The following DOP1A variants were observed in gnomAD, a reference collection of about 807,000 sequenced individuals.
DOP1A encodes the protein DOP1 leucine zipper like protein A.
DOP1A carries 90 observed loss-of-function variants against 267.6 expected under a neutral mutation model. That is an observed-to-expected ratio of 0.34 (90% CI 0.28 to 0.40). The LOEUF (loss-of-function observed/expected upper bound fraction) is 0.40, where lower values mean the gene tolerates loss of function less well. DOP1A is among the 10% of genes least tolerant of loss of function. The pLI, the probability that DOP1A is intolerant of heterozygous loss-of-function variation, is 1.00. For synonymous variants in DOP1A, 932 were observed against 999.1 expected, an observed-to-expected ratio of 0.93 and a Z score of 1.27; for missense variants, 2,437 against 2,900.4, an observed-to-expected ratio of 0.84 and a Z score of 3.67.
chr6:83,132,409 T>A, intron 18 of DOP1A, 81 bp downstream of exon 18: 1 of 1,408,550 alleles, frequency 7.1e-7, no homozygotes, highest in Admixed American at 2.1e-5. Context: ...AAGAAAACTT[T>A]AGGGAAATTA....
rs1779135377 is a variant in DOP1A at position 83,138,246 on chromosome 6, G to A, written c.4204G>A (p.Ala1402Thr). The A allele has an allele frequency of 6.2e-7, 1 of 1,613,086 alleles. No individual in the cohort carries two copies. The highest frequency in any genetic ancestry group is 1.7e-5 in the Admixed American group (1 of 59,956). The change falls in exon 21 of 39, where the codon GCC (alanine) becomes ACC (threonine). Residue 1402 changes from alanine to threonine, a missense_variant. By Grantham distance (58) the Ala-to-Thr change is moderately conservative. Coordinates refer to ENST00000349129, the MANE Select transcript of DOP1A (RefSeq NM_015018.4). ...AACTAACCCTATAGCTTTTGTAAAT[G>A]CCATTTCAACTACTAGTGTAAATAA... Reference protein sequence around the residue: ...LKTNPIAFVNAISTTSVNNAY... With the variant: ...LKTNPIAFVNTISTTSVNNAY...
chr6:83,122,930 G>C lies in DOP1A; in HGVS notation c.1288G>C (p.Glu430Gln). The C allele has an allele frequency of 6.3e-7, 1 of 1,576,088 alleles. No homozygotes were observed. Among genetic ancestry groups the C allele is most frequent in the Non-Finnish European group, 8.6e-7 (1 of 1,165,912 alleles). The change falls in exon 12 of 39, where the codon GAA (glutamate) becomes CAA (glutamine). Residue 430 changes from glutamate (E) to glutamine (Q), a missense_variant. Coordinates refer to ENST00000349129, the MANE Select transcript of DOP1A (RefSeq NM_015018.4). ...KTANLLFNSF[E>Q]PYYMWDYVAR... ...TGCTAACCTTCTCTTTAATTCCTTC[G>C]AACCTTATTATATGTGGGATTATGT...
intron 1 of DOP1A, among the ~76,000 whole-genome samples, chr6:83,077,211 G>A (rs1468725488): frequency 2.0e-5 from 3 of 152,166 alleles, no homozygotes; most frequent in Non-Finnish European, 4.4e-5. Context: ...GGTTAAGATG[G>A]TAAATTTTGG....
intron 23 of DOP1A, among the ~76,000 whole-genome samples, chr6:83,141,466 C>T (rs1779645381): frequency 1.3e-5 from 2 of 152,090 alleles, no homozygotes; most frequent in South Asian, 4.1e-4. Context: ...TCCAAGGGAA[C>T]ACATAGGGAA....
chr6:83,140,325 G>T lies in DOP1A; in HGVS notation c.5337G>T (p.Leu1779=), dbSNP rs745345332. The part of the protein sequence containing the change: ...MSSVTLLWSI[L]HQADSSEKMT... ...CTGTGACACTGCTTTGGAGCATACTGCATCAAGCTGATTCTTCAGAAAAGA... is the reference window on the plus strand; with the variant it reads ...CTGTGACACTGCTTTGGAGCATACTTCATCAAGCTGATTCTTCAGAAAAGA... The change falls in exon 23 of 39, where the codon CTG becomes CTT. Residue 1779 remains leucine, a synonymous_variant. Coordinates refer to ENST00000349129, the MANE Select transcript of DOP1A (RefSeq NM_015018.4). 4.5e-5 allele frequency: 72 copies of T among 1,613,252 alleles called. No individual in the cohort carries two copies. Among genetic ancestry groups the T allele is most frequent in the Non-Finnish European group, 5.8e-5 (68 of 1,179,860 alleles).
intron 1 of DOP1A, among the ~76,000 whole-genome samples, chr6:83,069,984 AT>A (rs1785328517): frequency 6.6e-6 from 1 of 152,216 alleles, no homozygotes; most frequent in Non-Finnish European, 1.5e-5. Flanking sequence ...TAAAACACAA[AT>A]TTTGAGACAG....
At position 83,158,514 on chromosome 6, in the gene DOP1A, G is replaced by C. The variant is rs1783386739; in HGVS notation, c.6742-53G>C. The C allele has an allele frequency of 3.8e-6, 5 of 1,322,700 alleles. No homozygotes were observed. The South Asian group carries it at 5.2e-5, about 14-fold the overall frequency. 81.9% of individuals were successfully genotyped at this position (1,322,700 alleles called of 1,614,324 possible). A position where few individuals can be genotyped will look rare whatever the true frequency, so the allele number is the denominator to read the frequency against. ...TGAAAATACAACTTAAAGATAACTT[G>C]AAAGGATTAAATATCCAGTTTAAAT... On this transcript the variant is annotated intron_variant, in intron 35 of 38. Coordinates refer to ENST00000349129, the MANE Select transcript of DOP1A (RefSeq NM_015018.4).
intron 9 of DOP1A, 128 bp downstream of exon 9, chr6:83,119,985 C>T (rs995718239): frequency 6.3e-6 from 4 of 631,072 alleles, no homozygotes; most frequent in Non-Finnish European, 1.0e-5. Context: ...ACAAACTTCC[C>T]AAGAATTTTT....
chr6:83,151,937 G>C lies in DOP1A; in HGVS notation c.5959G>C (p.Glu1987Gln). The C allele has an allele frequency of 6.2e-7, 1 of 1,613,788 alleles. No individual in the cohort carries two copies. Among genetic ancestry groups the C allele is most frequent in the Admixed American group, 1.7e-5 (1 of 60,000 alleles). Residue 1987 changes from glutamate (E) to glutamine (Q), a missense_variant, in exon 29 of 39, where the codon GAA (glutamate) becomes CAA (glutamine). This residue lies in a region of DOP1A where 216 missense variants were observed against 283.3 expected (regional missense o/e 0.76). Coordinates refer to ENST00000349129, the MANE Select transcript of DOP1A (RefSeq NM_015018.4). The part of the protein sequence containing the change: ...AIGAIAGSSL[E>Q]QTTWLRRNLE... ...TGGTGCAATTGCTGGTTCTTCTCTG[G>C]AACAGACAACATGGCTGCGACGAAA...
chr6:83,137,523 G>C lies in DOP1A; in HGVS notation c.3481G>C (p.Val1161Leu). The change falls in exon 21 of 39, where the codon GTA (valine) becomes CTA (leucine). Residue 1161 changes from valine to leucine, a missense_variant. Transcript: ENST00000349129. ...QVVFDLICKV[V>L]SGLEVESASV... Reference sequence around the variant, plus strand: ...AGTATTTGACCTGATATGTAAAGTTGTAAGTGGCCTCGAAGTGGAATCTGC... The same window carrying C: ...AGTATTTGACCTGATATGTAAAGTTCTAAGTGGCCTCGAAGTGGAATCTGC... The C allele has an allele frequency of 6.2e-7, 1 of 1,613,790 alleles. No homozygotes were observed. The highest frequency in any genetic ancestry group is 8.5e-7 in the Non-Finnish European group (1 of 1,179,844).
intron 1 of DOP1A, among the ~76,000 whole-genome samples, chr6:83,093,898 AGT>A (rs1370107217): frequency 1.3e-5 from 2 of 152,234 alleles, no homozygotes; most frequent in African/African-American, 4.8e-5. Flanking sequence ...TGGGTGACAG[AGT>A]GAGACTCCGT....
At position 83,128,772 on chromosome 6, in the gene DOP1A, A is replaced by C. The variant is rs1777582079; in HGVS notation, c.1720-115A>C. On this transcript the variant is annotated intron_variant, in intron 15 of 38. Transcript: ENST00000349129. ...GTGTGGGGCTGCTTTAAGAGTCAAC[A>C]GAATGGGCAGATTAAGTTGTGAATA... 3.2e-6 allele frequency: 4 copies of C among 1,239,030 alleles called. No homozygotes were observed. In the Admixed American group the frequency reaches 9.2e-5, roughly 28 times the overall value. 76.8% of individuals were successfully genotyped at this position (1,239,030 alleles called of 1,614,324 possible). A position where few individuals can be genotyped will look rare whatever the true frequency, so the allele number is the denominator to read the frequency against.
chr6:83,112,298 T>C (rs1047271307), intron 6 of DOP1A, among the ~76,000 whole-genome samples: 8 of 152,074 alleles, frequency 5.3e-5, no homozygotes, highest in South Asian at 2.1e-4. Context: ...ATGATCAACA[T>C]TGTAATAAAG....
chr6:83,131,418 G>T (rs1454026599), intron 17 of DOP1A, among the ~76,000 whole-genome samples: 1 of 152,022 alleles, frequency 6.6e-6, no homozygotes, highest in Non-Finnish European at 1.5e-5. Flanking sequence ...CAGATCAAGT[G>T]CTATGTTAAC....
In DOP1A at chr6:83,122,040, C is replaced by A. The variant is rs748110996; in HGVS notation, c.1210C>A (p.Gln404Lys). Residue 404 changes from glutamine (Q) to lysine (K), a missense_variant, in exon 11 of 39, where the codon CAG (glutamine) becomes AAG (lysine). Around this residue, in one of 9 missense-constraint regions of DOP1A, gnomAD observed 498 missense variants for 513.5 expected, o/e 0.97. Coordinates refer to ENST00000349129, the MANE Select transcript of DOP1A (RefSeq NM_015018.4). ...ACCACCCTTCAGCAAGGATCATGCT[C>A]AGTTAAGCAGGTGGATTATCAAAAA... is the stretch of plus-strand genomic sequence containing the variant. ...TEPPFSKDHA[Q>K]LSSKLRENKK... 2.6e-5 allele frequency: 42 copies of A among 1,609,842 alleles called. No homozygotes were observed. The highest frequency in any genetic ancestry group is 3.4e-5 in the Non-Finnish European group (40 of 1,177,564).
intron 20 of DOP1A, among the ~76,000 whole-genome samples, 184 bp downstream of exon 20, chr6:83,136,062 C>T (rs1256020050): frequency 1.3e-5 from 2 of 152,104 alleles, no homozygotes; most frequent in Non-Finnish European, 2.9e-5. Context: ...CAATGACCAT[C>T]TTAGAGGATG....
downstream of DOP1A, chr6:83,170,685 A>G (rs1786899278): frequency 2.0e-6 from 1 of 503,072 alleles, no homozygotes; most frequent in Admixed American, 3.3e-5. Flanking sequence ...GGCAAAAAAT[A>G]TTTCCACAAA....
chr6:83,100,679 A>T (rs764940446), intron 3 of DOP1A, 26 bp from the exon 4 acceptor site: 1 of 1,412,552 alleles, frequency 7.1e-7, no homozygotes, highest in Non-Finnish European at 9.3e-7. Context: ...TGTTTTTCTC[A>T]ACTACATTAA....
At chr6:83,124,567 A>C (rs1001142219) in intron 12 of DOP1A, 138 bp from the exon 13 acceptor site, 12 of 695,878 alleles carry the variant, frequency 1.7e-5, no homozygotes, top group African/African-American at 3.7e-5. Flanking sequence ...GCCTGGGGGA[A>C]ATAAAATATG....
Sources: allele counts gnomAD v4.1 joint callset (sites outside exome capture counted in the v4.1 genomes callset), GRCh38; gene constraint gnomAD v4.1.1; regional missense constraint gnomAD v4.1.1; transcripts MANE v1.5; gene names NCBI Gene and HGNC (gene_info 2026-07-23, HGNC 2026-07-21).